The following FARS2 variants were observed in gnomAD, a reference collection of about 807,000 sequenced individuals.
The protein encoded by FARS2 is phenylalanyl-tRNA synthetase 2, mitochondrial.
FARS2 carries 40 observed loss-of-function variants against 46.4 expected under a neutral mutation model. That is an observed-to-expected ratio of 0.86 (90% confidence interval 0.67 to 1.12). The LOEUF (loss-of-function observed/expected upper bound fraction) is 1.12. Ranked by LOEUF, FARS2 falls within the 50% of genes most tolerant of loss-of-function variation. The probability of loss-of-function intolerance (pLI) is 0.00; values close to 1 mark genes in which losing one functional copy is unlikely to be tolerated. For synonymous variants in FARS2, 234 were observed against 214.9 expected (o/e 1.09, Z -0.78); for missense variants, 513 against 567.9 (o/e 0.90, Z 0.98).
At chr6:5,608,114 T>C (rs1774953255) in intron 5 of FARS2, among the ~76,000 whole-genome samples, 1 of 152,276 alleles carries the variant, frequency 6.6e-6, no homozygotes, top group East Asian at 1.9e-4. Context: ...GGAACTTTGT[T>C]GTAACTTGCT....
At chr6:5,328,132 C>A (rs187635929) in intron 1 of FARS2, among the ~76,000 whole-genome samples, 1 of 152,146 alleles carries the variant, frequency 6.6e-6, no homozygotes, top group African/African-American at 2.4e-5. Flanking sequence ...TAAATGTATA[C>A]CTTTTGTTTT....
chr6:5,539,384 G>GTGTATATATATATATATATA, intron 4 of FARS2, among the ~76,000 whole-genome samples: 1,749 of 79,462 alleles, frequency 0.022, 170 homozygotes, highest in East Asian at 0.092. Context: ...TTTTTTTTGT[G>GTGTATATATATATATATATA]TATATATATA....
At chr6:5,683,546 A>G (rs560541693) in intron 6 of FARS2, among the ~76,000 whole-genome samples, 8 of 152,084 alleles carry the variant, frequency 5.3e-5, no homozygotes, top group Admixed American at 6.5e-5. Context: ...GAGCTGGGAA[A>G]CGTGAGTCTG....
intron 6 of FARS2, among the ~76,000 whole-genome samples, chr6:5,756,180 C>T (rs2150970968): frequency 6.6e-6 from 1 of 152,312 alleles, no homozygotes; most frequent in South Asian, 2.1e-4. Flanking sequence ...ACTTTCTCTG[C>T]TCCAGGTAGC....
chr6:5,575,381 C>T (rs138970759), intron 5 of FARS2, among the ~76,000 whole-genome samples: 10 of 152,274 alleles, frequency 6.6e-5, no homozygotes, highest in East Asian at 5.8e-4. Flanking sequence ...AATTAGTGCA[C>T]GCAGAATCTG....
At chr6:5,517,094 C>T (rs546537238) in intron 4 of FARS2, among the ~76,000 whole-genome samples, 1 of 151,952 alleles carries the variant, frequency 6.6e-6, no homozygotes, top group Admixed American at 6.6e-5. Flanking sequence ...GTCTGCGTTT[C>T]GCACAGTTTG....
At chr6:5,256,778 T>C (rs1205493494), upstream of FARS2, among the ~76,000 whole-genome samples, 1 of 151,926 alleles carries the variant, frequency 6.6e-6, no homozygotes, top group African/African-American at 2.4e-5. Context: ...AAATATGAAC[T>C]AAAAAACCCT....
intron 6 of FARS2, among the ~76,000 whole-genome samples, chr6:5,729,649 C>G (rs1361640456): frequency 6.6e-6 from 1 of 152,022 alleles, no homozygotes; most frequent in Non-Finnish European, 1.5e-5. Context: ...GCCTTTCCCT[C>G]TTCTTTCCCC....
At chr6:5,405,480 C>CTTTTTTTTTGTTTTTTTTTTTTTTT (rs1761521418) in intron 3 of FARS2, among the ~76,000 whole-genome samples, 1 of 58,946 alleles carries the variant, frequency 1.7e-5, no homozygotes, top group Non-Finnish European at 3.1e-5. Flanking sequence ...GAGCAAGGTT[C>CTTTTTTTTTGTTTTTTTTTTTTTTT]TTTTTTTTTT....
chr6:5,523,339 C>A (rs377308549), intron 4 of FARS2, among the ~76,000 whole-genome samples: 3 of 151,904 alleles, frequency 2.0e-5, no homozygotes, highest in East Asian at 3.9e-4. Flanking sequence ...AGAAGTAGGG[C>A]AAGGACAACA....
At chr6:5,748,792 C>T (rs772229981) in intron 6 of FARS2, among the ~76,000 whole-genome samples, 4 of 152,160 alleles carry the variant, frequency 2.6e-5, no homozygotes, top group Non-Finnish European at 4.4e-5. Context: ...TGCCTGTGGG[C>T]GAATGCTGTG....
rs70974187 is a variant in FARS2 at position 5,296,129 on chromosome 6, CTTTTTTTTTTTTTTTTT to C, written c.-22+34483_-22+34499del. Reference sequence around the variant, plus strand: ...CAAACATAAAAATTATCATTTTGGCCTTTTTTTTTTTTTTTTTTTTTTTTTTTTTTGAGACGAAGTCT... The same window carrying C: ...CAAACATAAAAATTATCATTTTGGCCTTTTTTTTTTTTTGAGACGAAGTCT... On this transcript the variant is annotated intron_variant, in intron 1 of 6. Transcript: ENST00000274680. Among the ~76,000 whole-genome samples, 16 of 55,072 alleles carry C rather than the reference CTTTTTTTTTTTTTTTTT, an allele frequency of 2.9e-4. 2 individuals are homozygous for C. The highest frequency in any genetic ancestry group is 1.5e-3 in the Admixed American group (5 of 3,446). The allele number at this position is 55,072 out of a possible 152,430, so 36.1% of individuals were successfully genotyped here.
intron 6 of FARS2, among the ~76,000 whole-genome samples, chr6:5,697,290 T>C (rs939589607): frequency 1.3e-5 from 2 of 152,200 alleles, no homozygotes; most frequent in African/African-American, 2.4e-5. Context: ...AATTGAGTTA[T>C]ATAAGAGGTG....
intron 6 of FARS2, among the ~76,000 whole-genome samples, chr6:5,767,150 G>A (rs1176874113): frequency 2.0e-5 from 3 of 151,982 alleles, no homozygotes; most frequent in African/African-American, 7.3e-5. Flanking sequence ...CCACCTCCCA[G>A]ATTCAAGCCA....
intron 6 of FARS2, among the ~76,000 whole-genome samples, chr6:5,696,644 G>A (rs1003663415): frequency 1.3e-5 from 2 of 152,084 alleles, no homozygotes; most frequent in Non-Finnish European, 2.9e-5. Flanking sequence ...AAACCTTTGT[G>A]CATAGGAAAT....
At chr6:5,737,874 G>C (rs1322765907) in intron 6 of FARS2, among the ~76,000 whole-genome samples, 2 of 152,218 alleles carry the variant, frequency 1.3e-5, no homozygotes, top group African/African-American at 4.8e-5. Context: ...GGGACAGAAA[G>C]AAGAGCCCAG....
At chr6:5,467,700 T>C (rs1254678157) in intron 4 of FARS2, among the ~76,000 whole-genome samples, 1 of 152,194 alleles carries the variant, frequency 6.6e-6, no homozygotes, top group Non-Finnish European at 1.5e-5. Context: ...ATAAGTTTTA[T>C]TATCATCATT....
intron 4 of FARS2, among the ~76,000 whole-genome samples, chr6:5,499,418 A>C (rs1041670422): frequency 6.6e-6 from 1 of 152,208 alleles, no homozygotes; most frequent in Non-Finnish European, 1.5e-5. Context: ...TGAGTGAATT[A>C]GGGCAATGCA....
At chr6:5,580,602 G>A (rs891131071) in intron 5 of FARS2, among the ~76,000 whole-genome samples, 13 of 152,146 alleles carry the variant, frequency 8.5e-5, no homozygotes, top group African/African-American at 3.1e-4. Context: ...TGTAAAGTGG[G>A]TATAATGCCT....
Sources: gnomAD v4.1 joint callset for allele counts (sites outside exome capture counted in the v4.1 genomes callset) on GRCh38, gnomAD v4.1.1 for gene constraint, MANE v1.5 for transcripts, NCBI Gene and HGNC (gene_info 2026-07-23, HGNC 2026-07-21) for gene names.